Variants in RBPJ observed in about 807,000 individuals in gnomAD.
The protein encoded by RBPJ is recombining binding protein suppressor of hairless.
A neutral mutation model predicts 67.8 loss-of-function variants in RBPJ; 9 were observed. That is an observed-to-expected ratio of 0.13 (90% CI 0.08 to 0.23). The LOEUF (loss-of-function observed/expected upper bound fraction) is 0.23, where lower values mean the gene tolerates loss of function less well. Ranked by LOEUF, RBPJ falls within the 10% of genes least tolerant of loss-of-function variation. The pLI is 1.00. For synonymous variants in RBPJ, 198 were observed against 203.3 expected (o/e 0.97, Z 0.22); for missense variants, 305 against 595.6 (o/e 0.51, Z 5.08).
intron 1 of RBPJ, among the ~76,000 whole-genome samples, chr4:26,374,583 C>A (rs1365261167): frequency 1.3e-5 from 2 of 151,766 alleles, no homozygotes; most frequent in African/African-American, 2.4e-5. Context: ...TCAAGCAATT[C>A]TCCTGCCTCA....
chr4:26,428,474 ATTT>A, intron 7 of RBPJ: 4 of 332,634 alleles, frequency 1.2e-5, no homozygotes, highest in Non-Finnish European at 1.6e-5. Context: ...TGCCTGCCTG[ATTT>A]TTTTTTTTTA....
At chr4:26,408,499 A>G (rs778631523) in intron 3 of RBPJ, among the ~76,000 whole-genome samples, 2 of 152,144 alleles carry the variant, frequency 1.3e-5, no homozygotes, top group Non-Finnish European at 2.9e-5. Flanking sequence ...TAAGCAAAAC[A>G]GAAAAAGTTA....
At chr4:26,248,736 G>A (rs1056046799) in intron 1 of RBPJ, among the ~76,000 whole-genome samples, 5 of 152,182 alleles carry the variant, frequency 3.3e-5, no homozygotes, top group Non-Finnish European at 5.9e-5. Context: ...TTTTAAGGAA[G>A]TGATGGGAGA....
chr4:26,255,689 C>T (rs1222738509), intron 1 of RBPJ, among the ~76,000 whole-genome samples: 1 of 151,162 alleles, frequency 6.6e-6, no homozygotes, highest in Non-Finnish European at 1.5e-5. Flanking sequence ...GTAGTCCCAG[C>T]TACGCGGGAG....
the RBPJ span, among the ~76,000 whole-genome samples, chr4:26,138,331 C>T: frequency 1.5e-3 from 235 of 151,822 alleles, no homozygotes; most frequent in Non-Finnish European, 2.5e-3. Context: ...TCTGCTGCCC[C>T]TGCCTCTCCC....
At chr4:26,415,434 T>G in intron 3 of RBPJ, 41 bp from the exon 4 acceptor site, 1 of 1,460,330 alleles carries the variant, frequency 6.8e-7, no homozygotes, top group Non-Finnish European at 9.3e-7. Flanking sequence ...ATCTAATTGA[T>G]TTTTGCTTCT....
At chr4:26,362,912 G>C (rs1396880214) in intron 1 of RBPJ, among the ~76,000 whole-genome samples, 3 of 152,034 alleles carry the variant, frequency 2.0e-5, no homozygotes, top group Admixed American at 6.6e-5. Flanking sequence ...TCACCAAATA[G>C]TTTAGGGATT....
chr4:26,205,713 C>T (rs1242896186), intron 1 of RBPJ, among the ~76,000 whole-genome samples: 1 of 152,140 alleles, frequency 6.6e-6, no homozygotes, highest in Admixed American at 6.5e-5. Flanking sequence ...CTGCCTCAGC[C>T]TCCTGAGTAG....
chr4:26,295,617 G>A (rs1228151909), intron 1 of RBPJ, among the ~76,000 whole-genome samples: 2 of 152,132 alleles, frequency 1.3e-5, no homozygotes, highest in Non-Finnish European at 2.9e-5. Context: ...CTACCCAACT[G>A]TACCCAATTC....
At chr4:26,281,081 G>A (rs1276675461) in intron 1 of RBPJ, among the ~76,000 whole-genome samples, 1 of 151,938 alleles carries the variant, frequency 6.6e-6, no homozygotes, top group East Asian at 1.9e-4. Context: ...GACATTATAA[G>A]GAGTTGTCTT....
intron 1 of RBPJ, among the ~76,000 whole-genome samples, chr4:26,356,065 G>A (rs1727343269): frequency 6.6e-6 from 1 of 152,208 alleles, no homozygotes. Context: ...TCTTGTTAGA[G>A]ATGAATTTGT....
At chr4:26,272,322 T>C (rs1720942261) in intron 1 of RBPJ, among the ~76,000 whole-genome samples, 1 of 152,120 alleles carries the variant, frequency 6.6e-6, no homozygotes, top group Admixed American at 6.6e-5. Context: ...AGCCCAACAT[T>C]TGGGAGATCA....
intron 1 of RBPJ, among the ~76,000 whole-genome samples, chr4:26,307,920 G>A (rs556866370): frequency 6.6e-6 from 1 of 152,292 alleles, no homozygotes; most frequent in Admixed American, 6.5e-5. Flanking sequence ...AATTTAAGTA[G>A]CAAAAGCACA....
chr4:26,196,673 T>C (rs1045435111), intron 1 of RBPJ, among the ~76,000 whole-genome samples: 18 of 152,184 alleles, frequency 1.2e-4, no homozygotes, highest in African/African-American at 4.1e-4. Context: ...TAGTATGAAA[T>C]ATTTCAAAAA....
chr4:26,420,422 G>T lies in RBPJ; in HGVS notation c.322-129G>T, dbSNP rs2788856. 0.012 allele frequency: 6,294 copies of T among 525,136 alleles called. 201 individuals carry two copies. Among genetic ancestry groups the T allele is most frequent in the African/African-American group, 0.081 (4,120 of 50,592 alleles). The allele number at this position is 525,136 out of a possible 1,614,324, so 32.5% of individuals were successfully genotyped here. Reference sequence around the variant, plus strand: ...TAATTTTTATAGTTGATAATTTTTAGAGTTGGTTTTATCAGCTATCCCTTG... The same window carrying T: ...TAATTTTTATAGTTGATAATTTTTATAGTTGGTTTTATCAGCTATCCCTTG... On this transcript the variant is annotated intron_variant, in intron 4 of 10. Transcript: ENST00000355476.
At chr4:26,146,512 G>C in the RBPJ span, among the ~76,000 whole-genome samples, 1 of 152,156 alleles carries the variant, frequency 6.6e-6, no homozygotes, top group East Asian at 1.9e-4. Flanking sequence ...GACACCCCAA[G>C]TGTGACCTGT....
chr4:26,200,716 C>T (rs1299155260), intron 1 of RBPJ, among the ~76,000 whole-genome samples: 2 of 152,076 alleles, frequency 1.3e-5, no homozygotes, highest in Non-Finnish European at 2.9e-5. Context: ...CTGTACTATC[C>T]TCCCGTGTAA....
At chr4:26,251,490 G>C (rs1720106491) in intron 1 of RBPJ, among the ~76,000 whole-genome samples, 1 of 152,090 alleles carries the variant, frequency 6.6e-6, no homozygotes. Context: ...ACAAAAATTA[G>C]CCAGTGTGGT....
chr4:26,415,768 C>T, intron 4 of RBPJ, 128 bp downstream of exon 4: 1 of 887,172 alleles, frequency 1.1e-6, no homozygotes, highest in African/African-American at 1.7e-5. Flanking sequence ...AATATATAAA[C>T]TAGGACCAAA....
Sources: gnomAD v4.1 joint callset for allele counts (sites outside exome capture counted in the v4.1 genomes callset) on GRCh38, gnomAD v4.1.1 for gene constraint, MANE v1.5 for transcripts, NCBI Gene and HGNC (gene_info 2026-07-23, HGNC 2026-07-21) for gene names.